AP3S1: variants seen among roughly 807,000 people sequenced by gnomAD.
AP3S1 encodes adaptor related protein complex 3 subunit sigma 1.
Under a neutral mutation model 21.3 loss-of-function variants are expected in AP3S1, and 12 were observed. The ratio of observed to expected loss-of-function variants is 0.56; its 90% confidence interval spans 0.36 to 0.91. The LOEUF (loss-of-function observed/expected upper bound fraction) is 0.91, where lower values mean the gene tolerates loss of function less well. Among genes scored for constraint, AP3S1 ranks in the 40% least tolerant of loss-of-function variants. AP3S1 has a pLI of 0.01. For synonymous variants in AP3S1, 48 were observed against 78.4 expected (o/e 0.61, Z 2.05); for missense variants, 116 against 225.0 (o/e 0.52, Z 3.10).
rs953884656 is a variant in AP3S1, at chr5:115,851,959, C to T, written c.69+9853C>T. ...TAATTTAACCAATCAATGTGGACTT[C>T]AATTTTGAGTAAGGTTTTTTGATGA... is the stretch of plus-strand genomic sequence containing the variant. On this transcript the variant is annotated intron_variant, in intron 1 of 5. Transcript: ENST00000316788. Among the ~76,000 whole-genome samples the T allele has an allele frequency of 5.9e-5, 9 of 151,684 alleles. 1 individual carries two copies. Among genetic ancestry groups the T allele is most frequent in the Admixed American group, 4.6e-4 (7 of 15,226 alleles).
chr5:115,893,677 G>A (rs754149667), intron 3 of AP3S1, among the ~76,000 whole-genome samples: 1 of 152,122 alleles, frequency 6.6e-6, no homozygotes, highest in Admixed American at 6.5e-5. Flanking sequence ...AGCAACTATA[G>A]CAAGAAGCCT....
intron 1 of AP3S1, among the ~76,000 whole-genome samples, chr5:115,844,054 T>A (rs1016881760): frequency 1.3e-5 from 2 of 152,248 alleles, no homozygotes; most frequent in African/African-American, 4.8e-5. Flanking sequence ...AAGTTGTTTC[T>A]GTGTTTTAAG....
chr5:115,903,052 A>G, intron 5 of AP3S1, 60 bp downstream of exon 5: 13 of 1,247,118 alleles, frequency 1.0e-5, no homozygotes, highest in Non-Finnish European at 1.5e-5. Context: ...ATTACGCATG[A>G]TTTGTAGTTT....
chr5:115,911,593 A>G (rs943501167), intron 5 of AP3S1, among the ~76,000 whole-genome samples: 5 of 152,052 alleles, frequency 3.3e-5, no homozygotes, highest in African/African-American at 9.7e-5. Flanking sequence ...TCCTTAGTAG[A>G]CAACATACTT....
intron 4 of AP3S1, among the ~76,000 whole-genome samples, chr5:115,901,159 T>C (rs1751172996): frequency 6.6e-6 from 1 of 152,214 alleles, no homozygotes; most frequent in Non-Finnish European, 1.5e-5. Context: ...TTCTTTATTT[T>C]CTTGCAGAAC....
chr5:115,911,802 G>A (rs1752133637), intron 5 of AP3S1, among the ~76,000 whole-genome samples: 1 of 151,124 alleles, frequency 6.6e-6, no homozygotes, highest in Admixed American at 6.6e-5. Flanking sequence ...AGGAAGGGGG[G>A]GTAACAAAAA....
intron 3 of AP3S1, among the ~76,000 whole-genome samples, chr5:115,880,785 A>C (rs1351875153): frequency 6.6e-6 from 1 of 152,124 alleles, no homozygotes; most frequent in East Asian, 1.9e-4. Flanking sequence ...GATCTGTCTA[A>C]TATTGACAAT....
chr5:115,892,843 A>C lies in AP3S1; in HGVS notation c.274-2244A>C, dbSNP rs140372844. ...TGGATTGTTTGTAACACAAAGGATA[A>C]ATGCTTGAGGGGATGGATACCCCAT... is the stretch of plus-strand genomic sequence containing the variant. On this transcript the variant is annotated intron_variant, in intron 3 of 5. Coordinates refer to ENST00000316788, the MANE Select transcript of AP3S1 (RefSeq NM_001284.4). 3.1e-3 allele frequency among the ~76,000 whole-genome samples: 471 copies of C among 152,344 alleles called. 1 individual carries two copies. Among genetic ancestry groups the C allele is most frequent in the African/African-American group, 0.01 (436 of 41,588 alleles).
At chr5:115,874,893 A>G (rs558758168) in intron 3 of AP3S1, among the ~76,000 whole-genome samples, 4 of 152,222 alleles carry the variant, frequency 2.6e-5, no homozygotes, top group African/African-American at 7.2e-5. Context: ...TCTGCCATAT[A>G]CTATGTAATT....
rs555223157 is a variant in AP3S1, at chr5:115,878,398, C to T, written c.273+8270C>T. 1.6e-4 allele frequency among the ~76,000 whole-genome samples: 25 copies of T among 152,116 alleles called. No individual in the cohort carries two copies. The South Asian group carries it at 3.1e-3, about 19-fold the overall frequency. ...TTGTATAAGGTGTAAGGAAGGGGTC[C>T]GCTTTCAGTTTTCTGCATATGGCTA... is the stretch of plus-strand genomic sequence containing the variant. On this transcript the variant is annotated intron_variant, in intron 3 of 5. Coordinates refer to ENST00000316788, the MANE Select transcript of AP3S1 (RefSeq NM_001284.4).
chr5:115,860,265 C>G (rs1226825729), intron 1 of AP3S1, among the ~76,000 whole-genome samples: 1 of 152,214 alleles, frequency 6.6e-6, no homozygotes, highest in African/African-American at 2.4e-5. Context: ...GCAATTAGCT[C>G]CACCTATATA....
intron 3 of AP3S1, among the ~76,000 whole-genome samples, chr5:115,882,015 C>T (rs981696674): frequency 5.3e-5 from 8 of 151,740 alleles, no homozygotes; most frequent in Admixed American, 6.6e-5. Flanking sequence ...GTGTGTGCTT[C>T]ATGAAGTTCT....
chr5:115,846,293 G>C (rs1762058895), intron 1 of AP3S1, among the ~76,000 whole-genome samples: 1 of 152,168 alleles, frequency 6.6e-6, no homozygotes, highest in Admixed American at 6.5e-5. Flanking sequence ...ACAGATCTGA[G>C]CCACCATGCC....
chr5:115,882,987 T>A (rs1023499067), intron 3 of AP3S1, among the ~76,000 whole-genome samples: 1 of 152,188 alleles, frequency 6.6e-6, no homozygotes, highest in Non-Finnish European at 1.5e-5. Flanking sequence ...TCCAGGTGGG[T>A]TTGTTTACAC....
At chr5:115,858,348 A>G (rs190349796) in intron 1 of AP3S1, among the ~76,000 whole-genome samples, 3 of 152,238 alleles carry the variant, frequency 2.0e-5, no homozygotes, top group Admixed American at 6.5e-5. Context: ...ATGCTTCATC[A>G]CCTTTTAGTT....
At chr5:115,899,246 C>T (rs572237774) in intron 4 of AP3S1, among the ~76,000 whole-genome samples, 12 of 152,256 alleles carry the variant, frequency 7.9e-5, no homozygotes, top group East Asian at 7.7e-4. Flanking sequence ...AGGCACAGAA[C>T]GAGAGACTCC....
chr5:115,865,346 G>C (rs1030814243), intron 1 of AP3S1, among the ~76,000 whole-genome samples: 2 of 152,024 alleles, frequency 1.3e-5, no homozygotes, highest in African/African-American at 4.8e-5. Flanking sequence ...AACATTTTTG[G>C]GGAGTGAAAA....
At chr5:115,903,153 G>C (rs1489712638) in intron 5 of AP3S1, 161 bp downstream of exon 5, 1 of 521,470 alleles carries the variant, frequency 1.9e-6, no homozygotes. Context: ...GTATGCTAAA[G>C]GTTCTGTGAC....
At chr5:115,862,061 T>C (rs1763239108) in intron 1 of AP3S1, among the ~76,000 whole-genome samples, 1 of 152,040 alleles carries the variant, frequency 6.6e-6, no homozygotes, top group Admixed American at 6.6e-5. Context: ...TAGGATTCCA[T>C]TGTACAATTC....
Sources: gnomAD v4.1 joint callset for allele counts (sites outside exome capture counted in the v4.1 genomes callset) on GRCh38, gnomAD v4.1.1 for gene constraint, MANE v1.5 for transcripts, NCBI Gene and HGNC (gene_info 2026-07-23, HGNC 2026-07-21) for gene names.